Variants in POLR1B observed in about 807,000 individuals in gnomAD.
POLR1B encodes RNA polymerase I subunit B.
POLR1B carries 30 observed loss-of-function variants against 105.8 expected under a neutral mutation model. The ratio of observed to expected loss-of-function variants is 0.28; its 90% CI spans 0.21 to 0.38. The LOEUF (loss-of-function observed/expected upper bound fraction) is 0.38. Among genes scored for constraint, POLR1B ranks in the 10% least tolerant of loss-of-function variants. The pLI, the probability that POLR1B is intolerant of heterozygous loss-of-function variation, is 1.00. For synonymous variants in POLR1B, 485 were observed against 505.1 expected (o/e 0.96, Z 0.53); for missense variants, 976 against 1,435.8 (o/e 0.68, Z 5.17).
intron 13 of POLR1B, 88 bp from the exon 14 acceptor site, chr2:112,573,474 T>G: frequency 1.4e-6 from 2 of 1,463,358 alleles, no homozygotes; most frequent in Non-Finnish European, 1.8e-6. Context: ...ATGCCAGTTA[T>G]CCTAAACCAA....
At chr2:112,548,864 G>C (rs1331629765) in intron 3 of POLR1B, among the ~76,000 whole-genome samples, 1 of 152,098 alleles carries the variant, frequency 6.6e-6, no homozygotes. Context: ...CTCCTGTCTC[G>C]GCCTCCCAAA....
chr2:112,545,859 TG>T, intron 1 of POLR1B: 2 of 341,238 alleles, frequency 5.9e-6, no homozygotes, highest in South Asian at 2.2e-5. Context: ...TGGCCCAGCC[TG>T]GTCTCAAACT....
intron 8 of POLR1B, 149 bp downstream of exon 8, chr2:112,558,230 G>C: frequency 6.0e-6 from 3 of 500,636 alleles, no homozygotes; most frequent in South Asian, 1.1e-4. Flanking sequence ...TGGTCTAAAG[G>C]GCTTTAGACA....
chr2:112,572,304 A>C (rs1413207745), intron 12 of POLR1B, among the ~76,000 whole-genome samples: 1 of 152,224 alleles, frequency 6.6e-6, no homozygotes, highest in Non-Finnish European at 1.5e-5. Context: ...TTGCAAATAC[A>C]CATAAATCGT....
intron 9 of POLR1B, among the ~76,000 whole-genome samples, chr2:112,562,369 C>CCCTTGCTACTTCTTTCCTGTGTGT (rs1236022272): frequency 5.9e-5 from 9 of 151,984 alleles, no homozygotes. Flanking sequence ...GGCCCCTGTC[C>CCCTTGCTACTTCTTTCCTGTGTGT]CCTTGCTACT....
chr2:112,547,085 C>T lies in POLR1B; in HGVS notation c.251C>T (p.Pro84Leu). 1 of 1,614,072 alleles carries T rather than the reference C, an allele frequency of 6.2e-7. No individual in the cohort carries two copies. The highest frequency in any genetic ancestry group is 1.1e-5 in the South Asian group (1 of 91,080). The change falls in exon 2 of 15, where the codon CCA becomes CTA. Residue 84 changes from proline to leucine, a missense_variant. Around this residue, in one of 12 missense-constraint regions of POLR1B, gnomAD observed 452 missense variants for 616.5 expected, o/e 0.73. Coordinates refer to ENST00000263331, the MANE Select transcript of POLR1B (RefSeq NM_019014.6). ...SFTILDAVIS[P>L]PTVPKGTICK... ...ACTATTCTGGATGCTGTTATCAGTCCACCTACAGTTCCAAAAGGGACCATC... is the reference window on the plus strand; with the variant it reads ...ACTATTCTGGATGCTGTTATCAGTCTACCTACAGTTCCAAAAGGGACCATC...
chr2:112,557,170 C>T (rs1354272447), intron 7 of POLR1B, among the ~76,000 whole-genome samples: 2 of 152,168 alleles, frequency 1.3e-5, no homozygotes, highest in African/African-American at 2.4e-5. Context: ...CCTATGGTCC[C>T]ACCTACTTAG....
Position 112,564,363 on chromosome 2 carries a change from C to G in POLR1B, c.1613-3C>G, listed in dbSNP as rs1165302959. On this transcript the variant is annotated splice_region_variant and splice_polypyrimidine_tract_variant and intron_variant, in intron 9 of 14. Transcript: ENST00000263331. ...TGATTGTGCTGTTTGTTTCCTTTACCAGGGGTCACTCCCATTGATGGAGCT... is the reference window on the plus strand; with the variant it reads ...TGATTGTGCTGTTTGTTTCCTTTACGAGGGGTCACTCCCATTGATGGAGCT... 1 of 1,613,732 alleles carries G rather than the reference C, an allele frequency of 6.2e-7. No individual in the cohort carries two copies. The highest frequency in any genetic ancestry group is 1.3e-5 in the African/African-American group (1 of 75,030).
intron 9 of POLR1B, among the ~76,000 whole-genome samples, chr2:112,563,600 C>G (rs1684122676): frequency 6.6e-6 from 1 of 152,134 alleles, no homozygotes; most frequent in Non-Finnish European, 1.5e-5. Flanking sequence ...GAGATCCCAT[C>G]TCAAGAAACC....
intron 6 of POLR1B, 82 bp downstream of exon 6, chr2:112,552,080 C>CAAACTGCATTTG: frequency 8.9e-7 from 1 of 1,117,980 alleles, no homozygotes; most frequent in East Asian, 2.4e-5. Flanking sequence ...TTTGGGCGGG[C>CAAACTGCATTTG]GAGTCATTTG....
chr2:112,564,770 T>C (rs1684190455), intron 10 of POLR1B, among the ~76,000 whole-genome samples: 1 of 152,304 alleles, frequency 6.6e-6, no homozygotes, highest in African/African-American at 2.4e-5. Context: ...ATTTTAACTT[T>C]TTTCCCCCTT....
At position 112,559,571 on chromosome 2, in the gene POLR1B, T is replaced by G; in HGVS notation, c.1609T>G (p.Leu537Val). 6.2e-7 allele frequency: 1 copy of G among 1,613,984 alleles called. No homozygotes were observed. The highest frequency in any genetic ancestry group is 8.5e-7 in the Non-Finnish European group (1 of 1,179,868). ...TASIPALLCNLGVTPIDGAPH... is the reference protein window; with the variant it reads ...TASIPALLCNVGVTPIDGAPH... ...ATCTATTCCAGCTTTACTGTGCAACTTGGGTATGTAGTGTACAGTGATAAA... is the reference window on the plus strand; with the variant it reads ...ATCTATTCCAGCTTTACTGTGCAACGTGGGTATGTAGTGTACAGTGATAAA... The change falls in exon 9 of 15, where the codon TTG (leucine) becomes GTG (valine). Residue 537 changes from leucine to valine, a missense_variant. Leu to Val is a conservative substitution (Grantham distance 32, BLOSUM62 1). Around this residue, in one of 12 missense-constraint regions of POLR1B, gnomAD observed 184 missense variants for 197.4 expected, o/e 0.93. Coordinates refer to ENST00000263331, the MANE Select transcript of POLR1B (RefSeq NM_019014.6).
At position 112,559,350 on chromosome 2, in the gene POLR1B, T is replaced by C; in HGVS notation, c.1388T>C (p.Ile463Thr). Residue 463 changes from isoleucine (I) to threonine (T), a missense_variant, in exon 9 of 15, where the codon ATA becomes ACA. Ile to Thr is a moderately conservative substitution (Grantham distance 89). Around this residue, in one of 12 missense-constraint regions of POLR1B, gnomAD observed 452 missense variants for 616.5 expected, o/e 0.73. Coordinates refer to ENST00000263331, the MANE Select transcript of POLR1B (RefSeq NM_019014.6). ...GTTGTGGCTGACAAGCTGAACTTCA[T>C]ACGCTACCTCTCCCATTTCCGCTGC... The part of the protein sequence containing the change: ...LCVVADKLNF[I>T]RYLSHFRCVH... 3 of 1,614,220 alleles carry C rather than the reference T, an allele frequency of 1.9e-6. No individual in the cohort carries two copies. The highest frequency in any genetic ancestry group is 2.5e-6 in the Non-Finnish European group (3 of 1,180,038).
upstream of POLR1B, chr2:112,542,236 G>A (rs775879812): frequency 3.3e-6 from 5 of 1,535,652 alleles, no homozygotes; most frequent in Non-Finnish European, 4.4e-6. Context: ...GAGATGAGTG[G>A]GGCGGAATAT....
At position 112,577,215 on chromosome 2, in the gene POLR1B, A is replaced by G. The variant is rs529065982; in HGVS notation, c.*1486A>G. 1.1e-4 allele frequency: 16 copies of G among 152,358 alleles called. No homozygotes were observed. The highest frequency in any genetic ancestry group is 3.4e-4 in the African/African-American group (14 of 41,582). 9.4% of individuals were successfully genotyped at this position (152,358 alleles called of 1,614,324 possible). On this transcript the variant is annotated 3_prime_UTR_variant, in exon 15 of 15. Transcript: ENST00000263331. ...GATGGTCTGTCACTAATTATAAGGC[A>G]GATAGGAACAGACAGAAAAATCTAT...
At chr2:112,558,958 C>A (rs1403158027) in intron 8 of POLR1B, among the ~76,000 whole-genome samples, 1 of 144,772 alleles carries the variant, frequency 6.9e-6, no homozygotes, top group Non-Finnish European at 1.5e-5. Flanking sequence ...GTTGCCGATT[C>A]TTTCATTAGC....
At position 112,568,760 on chromosome 2, in the gene POLR1B, C is replaced by A. The variant is rs373607748; in HGVS notation, c.1932C>A (p.Val644=). The A allele has an allele frequency of 6.2e-7, 1 of 1,613,952 alleles. No individual in the cohort carries two copies. The highest frequency in any genetic ancestry group is 2.2e-5 in the East Asian group (1 of 44,864). The stretch of plus-strand genomic sequence containing the variant: ...TGCTCTTCCAGATCTTCATGAATGT[C>A]GCTATCTTTGAGGATGAAGTTTTTG... ...IGTMEQIFMN[V]AIFEDEVFAG... The change falls in exon 12 of 15, where the codon GTC becomes GTA. Residue 644 remains valine, a synonymous_variant. Coordinates refer to ENST00000263331, the MANE Select transcript of POLR1B (RefSeq NM_019014.6).
chr2:112,542,438 G>T (rs774366073), upstream of POLR1B: 1 of 1,328,894 alleles, frequency 7.5e-7, no homozygotes, highest in Non-Finnish European at 1.0e-6. Flanking sequence ...GGCGTGTACC[G>T]AGAGACTGGC....
intron 4 of POLR1B, 32 bp from the exon 5 acceptor site, chr2:112,550,834 G>C (rs1360663967): frequency 6.2e-7 from 1 of 1,608,668 alleles, no homozygotes. Context: ...ATATCAATGA[G>C]TTTCTGATTT....
Sources: gnomAD v4.1 joint callset for allele counts (sites outside exome capture counted in the v4.1 genomes callset) on GRCh38, gnomAD v4.1.1 for gene constraint, gnomAD v4.1.1 regional missense constraint, MANE v1.5 for transcripts, NCBI Gene and HGNC (gene_info 2026-07-23, HGNC 2026-07-21) for gene names.